PTPRE: variants seen among roughly 807,000 people sequenced by gnomAD.
PTPRE encodes receptor-type tyrosine-protein phosphatase epsilon.
A neutral mutation model predicts 102.0 loss-of-function variants in PTPRE; 51 were observed. The observed-to-expected ratio is 0.50, with a 90% CI of 0.40 to 0.63. The LOEUF (loss-of-function observed/expected upper bound fraction) is 0.63. Ranked by LOEUF, PTPRE falls within the 30% of genes least tolerant of loss-of-function variation. The probability of loss-of-function intolerance (pLI) is 0.00; values close to 1 mark genes in which losing one functional copy is unlikely to be tolerated. For missense variants in PTPRE, 752 were observed against 915.1 expected (o/e 0.82, Z 2.30); for synonymous variants, 345 against 348.2 (o/e 0.99, Z 0.10).
At chr10:127,926,548 A>G (rs1469404744) in intron 1 of PTPRE, among the ~76,000 whole-genome samples, 1 of 152,182 alleles carries the variant, frequency 6.6e-6, no homozygotes, top group Non-Finnish European at 1.5e-5. Flanking sequence ...CATTTCCTGG[A>G]TAACAGCATG....
intron 1 of PTPRE, among the ~76,000 whole-genome samples, chr10:127,957,490 C>G (rs541652480): frequency 6.6e-6 from 1 of 152,258 alleles, no homozygotes; most frequent in African/African-American, 2.4e-5. Context: ...ATTTTTACTT[C>G]TTAATCTGTA....
rs922743745 is a variant in PTPRE at position 127,944,330 on chromosome 10, C to G, written c.-31+37021C>G. ...TACTTGATAAATATTGATTGAATGGCTAAATGGTGGGTGGGTGGATGGATG... is the reference window on the plus strand; with the variant it reads ...TACTTGATAAATATTGATTGAATGGGTAAATGGTGGGTGGGTGGATGGATG... On this transcript the variant is annotated intron_variant, in intron 1 of 20. Transcript: ENST00000254667. The surrounding 1 kb of genome is among the most constrained non-coding windows in gnomAD (Gnocchi z 4.2). Among the ~76,000 whole-genome samples, 7 of 151,434 alleles carry G rather than the reference C, an allele frequency of 4.6e-5. No individual in the cohort carries two copies. The highest frequency in any genetic ancestry group is 1.0e-4 in the Non-Finnish European group (7 of 67,994).
At position 128,068,113 on chromosome 10, in the gene PTPRE, T is replaced by C; in HGVS notation, c.844-10T>C. On this transcript the variant is annotated splice_polypyrimidine_tract_variant and intron_variant, in intron 11 of 20. Coordinates refer to ENST00000254667, the MANE Select transcript of PTPRE (RefSeq NM_006504.6). ...TTTCACCCACTCTTGTCTCCCCGCG[T>C]CCCCCGCAGCAGCTCCCCGACGGCT... 6.2e-7 allele frequency: 1 copy of C among 1,609,118 alleles called. No individual in the cohort carries two copies. Among genetic ancestry groups the C allele is most frequent in the South Asian group, 1.1e-5 (1 of 90,778 alleles).
At chr10:127,940,819 T>A (rs992887492) in intron 1 of PTPRE, among the ~76,000 whole-genome samples, 9 of 152,206 alleles carry the variant, frequency 5.9e-5, no homozygotes, top group African/African-American at 2.2e-4. Context: ...GCCTGTTGTC[T>A]GCCTTGACAT....
At chr10:128,082,787 A>AT in intron 20 of PTPRE, 45 bp from the exon 21 acceptor site, 1 of 1,520,972 alleles carries the variant, frequency 6.6e-7, no homozygotes, top group Non-Finnish European at 8.7e-7. Context: ...AATCAAATAT[A>AT]TTTTTGGGAA....
chr10:127,970,532 T>C (rs1356788494), intron 1 of PTPRE, among the ~76,000 whole-genome samples: 1 of 151,798 alleles, frequency 6.6e-6, no homozygotes, highest in African/African-American at 2.4e-5. Context: ...ATCTGTTGCG[T>C]TTTTTCATGT....
chr10:128,067,453 CAT>C (rs1391071976), intron 11 of PTPRE, among the ~76,000 whole-genome samples: 3 of 151,318 alleles, frequency 2.0e-5, no homozygotes, highest in African/African-American at 7.4e-5. Context: ...CATGCACACA[CAT>C]GCATACATGT....
intron 17 of PTPRE, among the ~76,000 whole-genome samples, chr10:128,075,021 T>C (rs183280745): frequency 8.5e-4 from 129 of 152,336 alleles, no homozygotes; most frequent in African/African-American, 3.0e-3. Context: ...ACGTAGACTG[T>C]TGTTTAGTTT....
At chr10:127,942,040 GA>G (rs10717350) in intron 1 of PTPRE, among the ~76,000 whole-genome samples, 47,321 of 148,834 alleles carry the variant, frequency 0.32, 7,724 homozygotes, top group East Asian at 0.42. Flanking sequence ...TTATCTCATA[GA>G]AAAAAAAAAA....
At chr10:128,039,100 C>T (rs1434290734) in intron 2 of PTPRE, among the ~76,000 whole-genome samples, 1 of 152,140 alleles carries the variant, frequency 6.6e-6, no homozygotes, top group African/African-American at 2.4e-5. Context: ...TGTATTAAAC[C>T]AATTAATACT....
At chr10:128,052,884 A>G (rs1848661271) in intron 6 of PTPRE, among the ~76,000 whole-genome samples, 2 of 152,160 alleles carry the variant, frequency 1.3e-5, no homozygotes, top group South Asian at 4.1e-4. Flanking sequence ...AGCTTCTTGT[A>G]CACTCTCCTG....
intron 2 of PTPRE, among the ~76,000 whole-genome samples, chr10:128,013,278 G>A (rs1722596156): frequency 6.6e-6 from 1 of 152,200 alleles, no homozygotes; most frequent in Non-Finnish European, 1.5e-5. Context: ...CAAAGAGAGT[G>A]TTCTCCGAAG....
Position 127,958,984 on chromosome 10 carries a change from C to T in PTPRE, c.-30-23290C>T, listed in dbSNP as rs554249721. Among the ~76,000 whole-genome samples the T allele has an allele frequency of 4.9e-3, 735 of 151,442 alleles. 3 individuals are homozygous for T. Among genetic ancestry groups the T allele is most frequent in the Non-Finnish European group, 8.1e-3 (553 of 67,932 alleles). ...CGATCTCAGCTCACTACAACCTCCT[C>T]CTCCTGGGTTCAAGCGATTCTCCCA... On this transcript the variant is annotated intron_variant, in intron 1 of 20. Transcript: ENST00000254667.
chr10:128,041,899 C>A (rs1212963000), intron 3 of PTPRE, among the ~76,000 whole-genome samples: 3 of 152,024 alleles, frequency 2.0e-5, no homozygotes, highest in African/African-American at 7.2e-5. Flanking sequence ...GTCCTGCAAA[C>A]CCTGGACAAA....
At chr10:127,953,463 G>A (rs1315658508) in intron 1 of PTPRE, among the ~76,000 whole-genome samples, 1 of 152,210 alleles carries the variant, frequency 6.6e-6, no homozygotes, top group Non-Finnish European at 1.5e-5. Context: ...AATCTGAACT[G>A]CTCATCATGA....
Position 128,008,818 on chromosome 10 carries a change from A to G in PTPRE, c.-8+26522A>G, listed in dbSNP as rs548643295. 2.6e-4 allele frequency among the ~76,000 whole-genome samples: 40 copies of G among 152,344 alleles called. No homozygotes were observed. Among genetic ancestry groups the G allele is most frequent in the African/African-American group, 7.0e-4 (29 of 41,580 alleles). On this transcript the variant is annotated intron_variant, in intron 2 of 20. Coordinates refer to ENST00000254667, the MANE Select transcript of PTPRE (RefSeq NM_006504.6). This position sits in a 1 kb window ranked among gnomAD's most constrained non-coding sequence, Gnocchi z 4.0. ...ATCCAGCCTGTGTCCTCATCCTGCCAGGGCCCCTGCTCCTCCTGTCACTGA... is the reference window on the plus strand; with the variant it reads ...ATCCAGCCTGTGTCCTCATCCTGCCGGGGCCCCTGCTCCTCCTGTCACTGA...
chr10:128,072,358 T>TA (rs34882498), intron 16 of PTPRE, 144 bp downstream of exon 16: 10,543 of 648,746 alleles, frequency 0.016, no homozygotes, highest in Non-Finnish European at 0.018. Flanking sequence ...ATTACTTGCT[T>TA]AAAAAAAAAA....
chr10:128,022,078 A>C (rs1845934493), intron 2 of PTPRE, among the ~76,000 whole-genome samples: 1 of 152,192 alleles, frequency 6.6e-6, no homozygotes, highest in South Asian at 2.1e-4. Context: ...TGACAAATTG[A>C]TTTTCTGACA....
intron 2 of PTPRE, among the ~76,000 whole-genome samples, chr10:128,036,930 G>A (rs1202550965): frequency 1.3e-5 from 2 of 152,200 alleles, no homozygotes; most frequent in Non-Finnish European, 2.9e-5. Flanking sequence ...GGCCGCAAAG[G>A]CTATCCTGTG....
Sources: gnomAD v4.1 joint callset for allele counts (sites outside exome capture counted in the v4.1 genomes callset) on GRCh38, gnomAD v4.1.1 for gene constraint, Gnocchi (gnomAD v3.1) non-coding constraint, MANE v1.5 for transcripts, NCBI Gene and HGNC (gene_info 2026-07-23, HGNC 2026-07-21) for gene names.